DST: variants seen among roughly 807,000 people sequenced by gnomAD.
DST encodes bullous pemphigoid antigen.
Under a neutral mutation model 875.2 loss-of-function variants are expected in DST, and 253 were observed. The observed-to-expected ratio is 0.29, with a 90% CI of 0.26 to 0.32. DST has a LOEUF of 0.32. DST is among the 10% of genes least tolerant of loss of function. DST has a pLI of 1.00. For synonymous variants in DST, 3,124 were observed against 3,197.1 expected (o/e 0.98, Z 0.77); for missense variants, 8,287 against 9,111.6 (o/e 0.91, Z 3.68).
At chr6:56,544,343 T>C (rs1249613212) in intron 61 of DST, among the ~76,000 whole-genome samples, 2 of 152,228 alleles carry the variant, frequency 1.3e-5, no homozygotes, top group African/African-American at 4.8e-5. Flanking sequence ...TACAGAACTT[T>C]TCATAATAAA....
In DST at chr6:56,616,703, A is replaced by G. The variant is rs367882420; in HGVS notation, c.4930-2219T>C. ...AACACGAATGCCTCTCACAGGGTCA[A>G]TGACACCCCCACTGGCAATCTGGGC... On this transcript the variant is annotated intron_variant, in intron 36 of 103. Transcript: ENST00000680361. The G allele has an allele frequency of 2.0e-5, 32 of 1,614,064 alleles. No individual in the cohort carries two copies. The highest frequency in any genetic ancestry group is 1.6e-4 in the Middle Eastern group (1 of 6,084).
rs1221850181 is a variant in DST, at chr6:56,553,472, A to C, written c.15320T>G (p.Leu5107Trp). ...IKDHKDFSKT[L>W]TAQSHMYEKT... The stretch of plus-strand genomic sequence containing the variant: ...TTCATACATATGAGACTGAGCGGTC[A>C]AAGTTTTACTAAAGTCTTTATGATC... Residue 5107 changes from leucine (L) to tryptophan (W), a missense_variant, in exon 61 of 104, where the codon TTG (leucine) becomes TGG (tryptophan). Around this residue, in one of 10 missense-constraint regions of DST, gnomAD observed 1,513 missense variants for 1,677.8 expected, o/e 0.90. Transcript: ENST00000680361. 1 of 1,613,328 alleles carries C rather than the reference A, an allele frequency of 6.2e-7. No homozygotes were observed. The highest frequency in any genetic ancestry group is 8.5e-7 in the Non-Finnish European group (1 of 1,179,736).
intron 49 of DST, among the ~76,000 whole-genome samples, chr6:56,587,483 C>T (rs2098178654): frequency 6.6e-6 from 1 of 152,220 alleles, no homozygotes; most frequent in Admixed American, 6.5e-5. Context: ...TTGGAAAACA[C>T]TCTGCAGGAT....
rs1229459249 is a variant in DST, at chr6:56,605,284, G to C, written c.9344C>G (p.Thr3115Ser). Residue 3115 changes from threonine (T) to serine (S), a missense_variant, in exon 40 of 104, where the codon ACT becomes AGT. By Grantham distance (58) the Thr-to-Ser change is moderately conservative (BLOSUM62 1). Coordinates refer to ENST00000680361, the MANE Select transcript of DST (RefSeq NM_001374736.1). ...TAGATTATTTGGTTCATCTTTAAGA[G>C]TTACAGTTGCTTTTTTAAGGCTTCC... is the stretch of plus-strand genomic sequence containing the variant. ...QKGSLKKATVTLKDEPNNLQI... is the reference protein window; with the variant it reads ...QKGSLKKATVSLKDEPNNLQI... 3 of 1,611,040 alleles carry C rather than the reference G, an allele frequency of 1.9e-6. No homozygotes were observed. In the African/African-American group the frequency reaches 4.0e-5, roughly 22 times the overall value.
intron 63 of DST, 119 bp downstream of exon 63, chr6:56,535,003 A>T: frequency 8.6e-7 from 1 of 1,157,826 alleles, no homozygotes; most frequent in Non-Finnish European, 1.2e-6. Flanking sequence ...AATAATGTCT[A>T]CAGCAGCAAC....
intron 4 of DST, among the ~76,000 whole-genome samples, chr6:56,782,232 C>T (rs899467324): frequency 6.6e-6 from 1 of 152,160 alleles, no homozygotes; most frequent in Admixed American, 6.5e-5. Flanking sequence ...ATGATGCTGG[C>T]CTCACAAAAT....
chr6:56,648,773 G>T, intron 12 of DST, 84 bp from the exon 13 acceptor site: 3 of 1,160,116 alleles, frequency 2.6e-6, no homozygotes, highest in Non-Finnish European at 3.6e-6. Flanking sequence ...AAGTCATTCT[G>T]TAAATGTATG....
intron 4 of DST, among the ~76,000 whole-genome samples, chr6:56,821,949 CAA>C: frequency 6.6e-6 from 1 of 151,880 alleles, no homozygotes; most frequent in East Asian, 1.9e-4. Flanking sequence ...AGACTTTCAT[CAA>C]AGTCTTTAAT....
At chr6:56,733,536 G>C (rs1368447178) in intron 5 of DST, among the ~76,000 whole-genome samples, 2 of 151,996 alleles carry the variant, frequency 1.3e-5, no homozygotes, top group East Asian at 1.9e-4. Context: ...CACCAAGCTG[G>C]CATTACCACC....
chr6:56,464,293 T>C (rs915788818), intron 100 of DST: 3 of 265,902 alleles, frequency 1.1e-5, no homozygotes, highest in African/African-American at 2.2e-5. Flanking sequence ...TTCTGGATTT[T>C]TCACTTAAAT....
At chr6:56,627,368 TA>T in intron 33 of DST, 81 bp from the exon 34 acceptor site, 1 of 928,414 alleles carries the variant, frequency 1.1e-6, no homozygotes, top group Non-Finnish European at 1.8e-6. Context: ...AACTAAGACA[TA>T]TCTACATCAC....
chr6:56,655,409 T>A (rs1333043920), intron 10 of DST, among the ~76,000 whole-genome samples: 1 of 152,062 alleles, frequency 6.6e-6, no homozygotes, highest in Non-Finnish European at 1.5e-5. Flanking sequence ...ACCAAAAATG[T>A]GACAATAGCT....
At chr6:56,864,227 A>C (rs986958105) in intron 3 of DST, 20 of 152,200 alleles carry the variant, frequency 1.3e-4, no homozygotes, top group African/African-American at 4.6e-4. Context: ...CAAGACTGCA[A>C]TATCAGCTCT....
At chr6:56,469,253 A>T (rs973720888) in intron 97 of DST, among the ~76,000 whole-genome samples, 7 of 152,260 alleles carry the variant, frequency 4.6e-5, no homozygotes, top group Non-Finnish European at 1.0e-4. Context: ...TTTTTTAAGT[A>T]TAAAAATAAA....
Position 56,593,792 on chromosome 6 carries a change from G to A in DST, c.12597C>T (p.Asn4199=). The change falls in exon 48 of 104, where the codon AAC becomes AAT. Residue 4199 remains asparagine (N), a synonymous_variant. Transcript: ENST00000680361. The stretch of plus-strand genomic sequence containing the variant: ...AAGATTTGGCAGCTTCCAACACTCT[G>A]TTTCCAGAAATTGTGATGTATCTCA... ...GDLRYITISG[N]RVLEAAKSCS... 3 of 1,613,900 alleles carry A rather than the reference G, an allele frequency of 1.9e-6. No individual in the cohort carries two copies. Among genetic ancestry groups the A allele is most frequent in the Non-Finnish European group, 2.5e-6 (3 of 1,179,872 alleles).
Position 56,607,637 on chromosome 6 carries a change from TA to T in DST, c.6990del (p.Val2332LeufsTer16). 2 of 1,613,420 alleles carry T rather than the reference TA, an allele frequency of 1.2e-6. No homozygotes were observed. The highest frequency in any genetic ancestry group is 2.2e-5 in the South Asian group (2 of 91,070). ...CACACACTGGGTGAACTGTTAACTTTAGGATCAATTGATATTGTACTTGCCA... is the reference window on the plus strand; with the variant it reads ...CACACACTGGGTGAACTGTTAACTTTGGATCAATTGATATTGTACTTGCCA... Reference protein sequence around the residue: ...GKLASTISIDPKVNSSPSVCV... With the variant: ...GKLASTISIDXKVNSSPSVCV... On this transcript the variant is annotated frameshift_variant, in exon 40 of 104. Transcript: ENST00000680361. LOFTEE classifies it high-confidence loss of function.
At chr6:56,532,700 C>T (rs1321947976) in intron 63 of DST, among the ~76,000 whole-genome samples, 190 bp from the exon 64 acceptor site, 4 of 152,160 alleles carry the variant, frequency 2.6e-5, no homozygotes, top group Non-Finnish European at 2.9e-5. Flanking sequence ...GGGTCAGACA[C>T]TGTGGCAGGG....
In DST at chr6:56,670,624, A is replaced by G; in HGVS notation, c.1214+17T>C. ...TGTCTTACAGTTGTATAAGGAAAAA[A>G]TACACAAATTCCATACCTGTATTTA... On this transcript the variant is annotated intron_variant, in intron 10 of 103. Transcript: ENST00000680361. 1.3e-6 allele frequency: 2 copies of G among 1,489,300 alleles called. No homozygotes were observed. The highest frequency in any genetic ancestry group is 1.8e-6 in the Non-Finnish European group (2 of 1,112,238). The allele number at this position is 1,489,300 out of a possible 1,614,324, so 92.3% of individuals were successfully genotyped here. A position where few individuals can be genotyped will look rare whatever the true frequency, so the allele number is the denominator to read the frequency against.
At chr6:56,812,154 A>AAAAGAAAAGAAAAGAAAAGAAAAG in intron 4 of DST, among the ~76,000 whole-genome samples, 1 of 71,158 alleles carries the variant, frequency 1.4e-5, no homozygotes, top group African/African-American at 4.3e-5. Flanking sequence ...GAAAAGAAAA[A>AAAAGAAAAGAAAAGAAAAGAAAAG]AGAAAATATT....
Sources: gnomAD v4.1 joint callset for allele counts (sites outside exome capture counted in the v4.1 genomes callset) on GRCh38, gnomAD v4.1.1 for gene constraint, gnomAD v4.1.1 regional missense constraint, MANE v1.5 for transcripts, NCBI Gene and HGNC (gene_info 2026-07-23, HGNC 2026-07-21) for gene names.